The following ESRP1 variants were observed in gnomAD, a reference collection of about 807,000 sequenced individuals.
The protein encoded by ESRP1 is epithelial splicing regulatory protein 1, also known as RNA-binding motif protein 35A.
In ESRP1, 33 loss-of-function variants were observed where a neutral mutation model predicts 81.7. That is an observed-to-expected ratio of 0.40 (90% CI 0.31 to 0.54). The LOEUF (loss-of-function observed/expected upper bound fraction) is 0.54. Ranked by LOEUF, ESRP1 falls within the 20% of genes least tolerant of loss-of-function variation. The pLI, the probability that ESRP1 is intolerant of heterozygous loss-of-function variation, is 0.41. For synonymous variants in ESRP1, 320 were observed against 303.3 expected (o/e 1.06, Z -0.57); for missense variants, 672 against 833.1 (o/e 0.81, Z 2.38).
chr8:94,704,312 A>G (rs1809967369), intron 15 of ESRP1, among the ~76,000 whole-genome samples: 1 of 152,240 alleles, frequency 6.6e-6, no homozygotes, highest in East Asian at 1.9e-4. Flanking sequence ...TTACATGTCA[A>G]AGTATGCATA....
At chr8:94,693,742 T>A (rs1490046439) in intron 14 of ESRP1, among the ~76,000 whole-genome samples, 1 of 152,174 alleles carries the variant, frequency 6.6e-6, no homozygotes, top group Non-Finnish European at 1.5e-5. Flanking sequence ...AAGGGTTGTG[T>A]CTGTAGAGGC....
intron 9 of ESRP1, among the ~76,000 whole-genome samples, chr8:94,666,448 C>T (rs909212060): frequency 2.0e-5 from 3 of 152,156 alleles, no homozygotes; most frequent in Non-Finnish European, 2.9e-5. Flanking sequence ...TCTCTGTATG[C>T]GCCACTCATT....
At chr8:94,694,038 T>C (rs1809502790) in intron 14 of ESRP1, among the ~76,000 whole-genome samples, 1 of 152,226 alleles carries the variant, frequency 6.6e-6, no homozygotes, top group Non-Finnish European at 1.5e-5. Context: ...TTTTTAAACT[T>C]CCTATCTGAT....
intron 13 of ESRP1, among the ~76,000 whole-genome samples, chr8:94,679,977 C>T (rs1384666366): frequency 6.6e-6 from 1 of 151,996 alleles, no homozygotes; most frequent in Non-Finnish European, 1.5e-5. Flanking sequence ...TTGTAGATAT[C>T]TGTACTTTTA....
intron 13 of ESRP1, among the ~76,000 whole-genome samples, chr8:94,681,960 A>T (rs1371229583): frequency 6.6e-6 from 1 of 152,240 alleles, no homozygotes; most frequent in African/African-American, 2.4e-5. Context: ...TGATGCTGTC[A>T]CAACAGCATC....
intron 11 of ESRP1, among the ~76,000 whole-genome samples, chr8:94,672,557 G>C (rs894172220): frequency 4.6e-5 from 7 of 151,020 alleles, no homozygotes; most frequent in Non-Finnish European, 1.0e-4. Context: ...TTTTGAGACA[G>C]AGTCTCACTC....
At chr8:94,661,252 G>T (rs1485733802) in intron 4 of ESRP1, among the ~76,000 whole-genome samples, 1 of 152,106 alleles carries the variant, frequency 6.6e-6, no homozygotes, top group Non-Finnish European at 1.5e-5. Flanking sequence ...TATTGGCCAG[G>T]CTTGGTCTCG....
intron 2 of ESRP1, among the ~76,000 whole-genome samples, chr8:94,642,567 T>C (rs1817665699): frequency 1.3e-5 from 2 of 152,202 alleles, no homozygotes; most frequent in South Asian, 4.1e-4. Flanking sequence ...TTCAGGCTTC[T>C]GAACTCCCAA....
intron 13 of ESRP1, among the ~76,000 whole-genome samples, chr8:94,685,160 T>A (rs1809088615): frequency 6.6e-6 from 1 of 152,134 alleles, no homozygotes; most frequent in Non-Finnish European, 1.5e-5. Flanking sequence ...TGTTTGTATT[T>A]TGTGATTATT....
At chr8:94,682,891 TATATTCATTATTTTATATA>T in intron 13 of ESRP1, among the ~76,000 whole-genome samples, 1 of 131,088 alleles carries the variant, frequency 7.6e-6, no homozygotes, top group African/African-American at 2.9e-5. Flanking sequence ...CATTATTCAA[TATATTCATTATTTTATATA>T]TATATATATA....
At chr8:94,690,353 G>A (rs1296679548) in intron 13 of ESRP1, among the ~76,000 whole-genome samples, 2 of 126,252 alleles carry the variant, frequency 1.6e-5, no homozygotes, top group Admixed American at 1.0e-4. Context: ...GGCTGGTCTC[G>A]AACTCCTGGC....
intron 4 of ESRP1, among the ~76,000 whole-genome samples, chr8:94,653,321 A>T (rs189837643): frequency 6.0e-4 from 92 of 152,322 alleles, no homozygotes; most frequent in African/African-American, 2.1e-3. Flanking sequence ...ATAATAGGAT[A>T]GTAGTTAAGA....
At chr8:94,664,851 G>C in intron 7 of ESRP1, 44 bp downstream of exon 7, 1 of 1,609,234 alleles carries the variant, frequency 6.2e-7, no homozygotes, top group Non-Finnish European at 8.5e-7. Flanking sequence ...ATCCCAAAGG[G>C]ATAATGGATT....
intron 15 of ESRP1, among the ~76,000 whole-genome samples, chr8:94,703,709 T>C (rs1170017002): frequency 6.6e-6 from 1 of 152,132 alleles, no homozygotes; most frequent in South Asian, 2.1e-4. Context: ...CCAAACTCAC[T>C]CTCTGAGATA....
Position 94,643,425 on chromosome 8 carries a change from G to C in ESRP1, c.375+9G>C. 1 of 1,593,228 alleles carries C rather than the reference G, an allele frequency of 6.3e-7. No homozygotes were observed. The highest frequency in any genetic ancestry group is 2.2e-5 in the East Asian group (1 of 44,802). ...CTGAGGCTTCCAAGAAGGTAAGAGT[G>C]CTGGCTTCTGGGAAAAAAATGGTTG... On this transcript the variant is annotated intron_variant, in intron 3 of 15. Transcript: ENST00000433389.
chr8:94,650,241 A>G (rs140761807), intron 4 of ESRP1, among the ~76,000 whole-genome samples: 2 of 132,776 alleles, frequency 1.5e-5, no homozygotes, highest in African/African-American at 5.3e-5. Context: ...ATAGCATAGT[A>G]TAGAATTTTT....
chr8:94,703,279 C>T (rs2722875), intron 15 of ESRP1, among the ~76,000 whole-genome samples: 8,426 of 151,712 alleles, frequency 0.056, 295 homozygotes, highest in East Asian at 0.14. Flanking sequence ...CTCAGCCTCC[C>T]GAGTAGCTGG....
At chr8:94,651,577 G>A (rs1352836251) in intron 4 of ESRP1, among the ~76,000 whole-genome samples, 1 of 151,890 alleles carries the variant, frequency 6.6e-6, no homozygotes, top group African/African-American at 2.4e-5. Context: ...CTATGTAAAT[G>A]AAAAAGTAGG....
At chr8:94,658,081 T>A (rs1345675911) in intron 4 of ESRP1, among the ~76,000 whole-genome samples, 1 of 152,150 alleles carries the variant, frequency 6.6e-6, no homozygotes, top group Non-Finnish European at 1.5e-5. Flanking sequence ...CCGGCTAATT[T>A]TTGTATTTTT....
Sources: allele counts gnomAD v4.1 joint callset (sites outside exome capture counted in the v4.1 genomes callset), GRCh38; gene constraint gnomAD v4.1.1; transcripts MANE v1.5; gene names NCBI Gene and HGNC (gene_info 2026-07-23, HGNC 2026-07-21).